FUT8: variants seen among roughly 807,000 people sequenced by gnomAD.
FUT8 encodes alpha-(1,6)-fucosyltransferase.
A neutral mutation model predicts 71.3 loss-of-function variants in FUT8; 29 were observed. The ratio of observed to expected loss-of-function variants is 0.41; its 90% CI spans 0.30 to 0.55. The LOEUF (loss-of-function observed/expected upper bound fraction) is 0.55. FUT8 is among the 20% of genes least tolerant of loss of function. The pLI is 0.34. For synonymous variants in FUT8, 254 were observed against 239.3 expected, an observed-to-expected ratio of 1.06 and a Z score of -0.57; for missense variants, 544 against 702.1, an observed-to-expected ratio of 0.77 and a Z score of 2.55.
chr14:65,379,265 C>G, the FUT8 span, among the ~76,000 whole-genome samples: 23 of 152,112 alleles, frequency 1.5e-4, no homozygotes, highest in Admixed American at 9.8e-4. Flanking sequence ...TGTGGTGGCT[C>G]ATGCCTGTAA....
intron 9 of FUT8, among the ~76,000 whole-genome samples, chr14:65,726,414 A>G (rs1895689830): frequency 6.6e-6 from 1 of 152,244 alleles, no homozygotes. Flanking sequence ...TTACAGTTCC[A>G]CATCCCTGGT....
chr14:65,404,338 A>AT, the FUT8 span, among the ~76,000 whole-genome samples: 4 of 148,406 alleles, frequency 2.7e-5, no homozygotes, highest in African/African-American at 1.0e-4. Context: ...CGCCCAGCTA[A>AT]TTTTTTTGTA....
chr14:65,692,235 C>T (rs1893656616), intron 7 of FUT8, among the ~76,000 whole-genome samples: 1 of 148,238 alleles, frequency 6.7e-6, no homozygotes, highest in Non-Finnish European at 1.5e-5. Context: ...GGGGGGCTGA[C>T]CCCCCCACCT....
At chr14:65,649,237 G>T (rs1423957367) in intron 6 of FUT8, among the ~76,000 whole-genome samples, 1 of 152,150 alleles carries the variant, frequency 6.6e-6, no homozygotes, top group Non-Finnish European at 1.5e-5. Flanking sequence ...CAATAAAACA[G>T]CCCTAAGCTT....
chr14:65,453,878 G>T (rs2065861594), intron 1 of FUT8, among the ~76,000 whole-genome samples: 1 of 152,112 alleles, frequency 6.6e-6, no homozygotes, highest in South Asian at 2.1e-4. Flanking sequence ...CACCTCCACT[G>T]TTCCAAACTC....
Position 65,437,704 on chromosome 14 carries a change from G to A in FUT8, c.-325-17917G>A, listed in dbSNP as rs576943476. ...TTTAAAAACTTCATAATTTCTTAAT[G>A]TTTTTTTGTTATTACCCATAGTGAT... On this transcript the variant is annotated intron_variant, in intron 1 of 10. Transcript: ENST00000673929. Among the ~76,000 whole-genome samples, 7 of 152,078 alleles carry A rather than the reference G, an allele frequency of 4.6e-5. No individual in the cohort carries two copies. In the East Asian group the frequency reaches 1.2e-3, roughly 25 times the overall value.
chr14:65,379,594 G>A, the FUT8 span, among the ~76,000 whole-genome samples: 1 of 152,124 alleles, frequency 6.6e-6, no homozygotes, highest in African/African-American at 2.4e-5. Context: ...TGAAATTGTA[G>A]TGGGTGAGTG....
chr14:65,402,680 G>T, the FUT8 span, among the ~76,000 whole-genome samples: 1 of 149,978 alleles, frequency 6.7e-6, no homozygotes, highest in Non-Finnish European at 1.5e-5. Context: ...AAAAAAAATT[G>T]TAGAGATGGG....
chr14:65,391,222 G>C, the FUT8 span, among the ~76,000 whole-genome samples: 1 of 152,046 alleles, frequency 6.6e-6, no homozygotes, highest in Non-Finnish European at 1.5e-5. Flanking sequence ...GAAATCACAG[G>C]GTATGAGAGC....
At chr14:65,636,434 C>A (rs1429424953) in intron 6 of FUT8, 2 of 151,970 alleles carry the variant, frequency 1.3e-5, no homozygotes, top group African/African-American at 4.8e-5. Flanking sequence ...GGTGTGACCT[C>A]AGAATGTCAG....
chr14:65,475,585 T>A (rs1483404020), intron 2 of FUT8, among the ~76,000 whole-genome samples: 2 of 151,828 alleles, frequency 1.3e-5, no homozygotes, highest in South Asian at 2.1e-4. Flanking sequence ...CCAAAAAATT[T>A]AAAAAAATTA....
At chr14:65,398,645 A>G in the FUT8 span, among the ~76,000 whole-genome samples, 8 of 152,138 alleles carry the variant, frequency 5.3e-5, no homozygotes, top group East Asian at 1.5e-3. Flanking sequence ...CTGAGGCAGG[A>G]GAATTGCTTG....
intron 1 of FUT8, among the ~76,000 whole-genome samples, chr14:65,439,651 A>G (rs11158595): frequency 0.69 from 105,220 of 151,700 alleles, 36,738 homozygotes; most frequent in East Asian, 0.86. Context: ...TTAATAAAGC[A>G]TTTCATGGAG....
intron 1 of FUT8, among the ~76,000 whole-genome samples, chr14:65,453,586 C>T (rs981756981): frequency 6.6e-6 from 1 of 152,030 alleles, no homozygotes; most frequent in African/African-American, 2.4e-5. Context: ...TATTCTAGGG[C>T]AAATTTAGCC....
rs542717698 is a variant in FUT8 at position 65,574,544 on chromosome 14, C to T, written c.203+12778C>T. ...TTCAGAAGTTAAGTGATTTGCCTCA[C>T]ACCACATAGTAAGTGCTAAAACCAG... On this transcript the variant is annotated intron_variant, in intron 3 of 10. Coordinates refer to ENST00000673929, the MANE Select transcript of FUT8 (RefSeq NM_001371533.1). The surrounding 1 kb of genome is among the most constrained non-coding windows in gnomAD (Gnocchi z 5.2). Among the ~76,000 whole-genome samples, 1 of 152,306 alleles carries T rather than the reference C, an allele frequency of 6.6e-6. No homozygotes were observed. Among genetic ancestry groups the T allele is most frequent in the African/African-American group, 2.4e-5 (1 of 41,560 alleles).
intron 2 of FUT8, among the ~76,000 whole-genome samples, chr14:65,497,640 A>G (rs1318483540): frequency 6.6e-6 from 1 of 151,972 alleles, no homozygotes; most frequent in African/African-American, 2.4e-5. Context: ...TGATTTTTGT[A>G]TGTTATAAGA....
chr14:65,563,574 A>C (rs899523883), intron 3 of FUT8, among the ~76,000 whole-genome samples: 5 of 152,004 alleles, frequency 3.3e-5, no homozygotes, highest in Non-Finnish European at 7.4e-5. Flanking sequence ...AATAGCTACT[A>C]TTCTAGTTGA....
intron 5 of FUT8, among the ~76,000 whole-genome samples, chr14:65,625,174 A>G (rs1255468155): frequency 6.6e-6 from 1 of 152,166 alleles, no homozygotes; most frequent in Non-Finnish European, 1.5e-5. Flanking sequence ...ACCACATTCT[A>G]TTATGATGAA....
intron 2 of FUT8, chr14:65,458,245 G>A (rs200409121): frequency 6.6e-6 from 1 of 151,448 alleles, no homozygotes; most frequent in Non-Finnish European, 1.5e-5. Context: ...ACATGAGAGG[G>A]TCTCTCTTCC....
Sources: gnomAD v4.1 joint callset for allele counts (sites outside exome capture counted in the v4.1 genomes callset) on GRCh38, gnomAD v4.1.1 for gene constraint, Gnocchi (gnomAD v3.1) non-coding constraint, MANE v1.5 for transcripts, NCBI Gene and HGNC (gene_info 2026-07-23, HGNC 2026-07-21) for gene names.